Variants in ANKRD55 observed in about 807,000 individuals in gnomAD.
ANKRD55 encodes the protein ankyrin repeat domain-containing protein 55.
ANKRD55 carries 41 observed loss-of-function variants against 60.6 expected under a neutral mutation model. That is an observed-to-expected ratio of 0.68 (90% confidence interval 0.53 to 0.88). The LOEUF (loss-of-function observed/expected upper bound fraction) is 0.88, where lower values mean the gene tolerates loss of function less well. Among genes scored for constraint, ANKRD55 ranks in the 40% least tolerant of loss-of-function variants. ANKRD55 has a pLI of 0.00. For synonymous variants in ANKRD55, 264 were observed against 290.3 expected (o/e 0.91, Z 0.92); for missense variants, 732 against 767.6 (o/e 0.95, Z 0.55).
chr5:56,224,419 C>T (rs1238281395), intron 2 of ANKRD55, among the ~76,000 whole-genome samples: 2 of 151,956 alleles, frequency 1.3e-5, no homozygotes, highest in African/African-American at 4.8e-5. Context: ...AACATCACAA[C>T]TAAAAGAACT....
chr5:56,176,754 AC>A (rs748118369), intron 3 of ANKRD55, among the ~76,000 whole-genome samples: 8 of 152,200 alleles, frequency 5.3e-5, no homozygotes, highest in Non-Finnish European at 8.8e-5. Context: ...GGCCACCTGT[AC>A]TGAAATGCTT....
intron 6 of ANKRD55, among the ~76,000 whole-genome samples, chr5:56,150,570 C>T (rs925178582): frequency 2.0e-5 from 3 of 152,038 alleles, no homozygotes; most frequent in African/African-American, 7.2e-5. Flanking sequence ...CACCACTGCA[C>T]TCTGGCCTCA....
intron 6 of ANKRD55, among the ~76,000 whole-genome samples, chr5:56,146,233 T>C (rs931412864): frequency 2.6e-5 from 4 of 152,054 alleles, no homozygotes; most frequent in African/African-American, 7.2e-5. Context: ...AGGCACATTA[T>C]AGATGCTGAG....
At chr5:56,201,042 C>T (rs1198019364) in intron 2 of ANKRD55, among the ~76,000 whole-genome samples, 3 of 152,182 alleles carry the variant, frequency 2.0e-5, no homozygotes, top group Non-Finnish European at 2.9e-5. Flanking sequence ...AAAGACATGC[C>T]CTAGTGGGAA....
Position 56,176,193 on chromosome 5 carries a change from C to A in ANKRD55, c.271G>T (p.Asp91Tyr). ...LKMGANINMQ[D>Y]AYGRTSLCLA... is the part of the protein sequence containing the mutation. ...CATAAACTTGTGCGGCCATAAGCAT[C>A]CTGCATGTTAATATTGGCTCCCATC... Residue 91 changes from aspartate to tyrosine, a missense_variant, in exon 4 of 12, where the codon GAT (aspartate) becomes TAT (tyrosine). Around this residue, in one of 3 missense-constraint regions of ANKRD55, gnomAD observed 131 missense variants for 142.7 expected, o/e 0.92. Coordinates refer to ENST00000341048, the MANE Select transcript of ANKRD55 (RefSeq NM_024669.3). 1 of 1,614,224 alleles carries A rather than the reference C, an allele frequency of 6.2e-7. No homozygotes were observed. Among genetic ancestry groups the A allele is most frequent in the Non-Finnish European group, 8.5e-7 (1 of 1,180,052 alleles).
In ANKRD55 at chr5:56,222,840, A is replaced by T. The variant is rs577862965; in HGVS notation, c.58+10016T>A. On this transcript the variant is annotated intron_variant, in intron 2 of 11. Transcript: ENST00000341048. Reference sequence around the variant, plus strand: ...AAGAAATGAACAAAGCCTCCAAGAAATATGGGACTATGTGAAAAGACCAAA... The same window carrying T: ...AAGAAATGAACAAAGCCTCCAAGAATTATGGGACTATGTGAAAAGACCAAA... Among the ~76,000 whole-genome samples the T allele has an allele frequency of 9.3e-4, 141 of 152,358 alleles. 3 individuals are homozygous for T. The Middle Eastern group carries it at 0.027, about 29-fold the overall frequency.
chr5:56,115,777 C>A (rs1756866822), intron 9 of ANKRD55, among the ~76,000 whole-genome samples: 1 of 151,900 alleles, frequency 6.6e-6, no homozygotes. Flanking sequence ...TATTTATGTT[C>A]TCATGTAAAT....
intron 2 of ANKRD55, among the ~76,000 whole-genome samples, chr5:56,216,420 A>G (rs535145499): frequency 6.6e-5 from 10 of 152,348 alleles, no homozygotes; most frequent in African/African-American, 2.4e-4. Flanking sequence ...ATTCAAGTGA[A>G]AGGAAGAGTC....
chr5:56,193,285 C>A (rs1759145498), intron 2 of ANKRD55: 1 of 1,083,886 alleles, frequency 9.2e-7, no homozygotes, highest in Non-Finnish European at 1.3e-6. Context: ...TGGGGAGATG[C>A]ATGGAAATTA....
At chr5:56,226,865 C>T (rs1207843670) in intron 2 of ANKRD55, among the ~76,000 whole-genome samples, 1 of 152,084 alleles carries the variant, frequency 6.6e-6, no homozygotes, top group Non-Finnish European at 1.5e-5. Flanking sequence ...TGTGGAGAAA[C>T]AGGAACACTT....
At position 56,192,996 on chromosome 5, in the gene ANKRD55, CT is replaced by C. The variant is rs138568195; in HGVS notation, c.59-9363del. ...GAGCTATACTGGAAAACAATTAAAC[CT>C]TTTCAGTATGTTCATGAACATCATT... is the stretch of plus-strand genomic sequence containing the variant. On this transcript the variant is annotated intron_variant, in intron 2 of 11. Coordinates refer to ENST00000341048, the MANE Select transcript of ANKRD55 (RefSeq NM_024669.3). 1,453 of 944,320 alleles carry C rather than the reference CT, an allele frequency of 1.5e-3. 17 individuals are homozygous for C. In the African/African-American group the frequency reaches 0.021, roughly 14 times the overall value. 58.5% of individuals were successfully genotyped at this position (944,320 alleles called of 1,614,324 possible).
intron 5 of ANKRD55, among the ~76,000 whole-genome samples, chr5:56,164,084 ACT>A (rs531290998): frequency 5.7e-4 from 87 of 152,204 alleles, no homozygotes; most frequent in African/African-American, 2.1e-3. Flanking sequence ...AGAGCTTGAG[ACT>A]CTGTCTCAAA....
In ANKRD55 at chr5:56,166,142, C is replaced by CTTTCTTTCTTTCTTTT. The variant is rs1758462110; in HGVS notation, c.422+4551_422+4552insAAAAGAAAGAAAGAAA. On this transcript the variant is annotated intron_variant, in intron 5 of 11. Coordinates refer to ENST00000341048, the MANE Select transcript of ANKRD55 (RefSeq NM_024669.3). ...TCTTTCTTTCTTTCTTTCTTTCTTT[C>CTTTCTTTCTTTCTTTT]TTTCTTTCTTTCTTCTTTCCTTCCT... 4.3e-5 allele frequency among the ~76,000 whole-genome samples: 4 copies of CTTTCTTTCTTTCTTTT among 93,674 alleles called. No individual in the cohort carries two copies. In the East Asian group the frequency reaches 1.4e-3, roughly 33 times the overall value. 61.5% of individuals were successfully genotyped at this position (93,674 alleles called of 152,430 possible).
At chr5:56,224,577 T>C (rs958164905) in intron 2 of ANKRD55, among the ~76,000 whole-genome samples, 1 of 151,830 alleles carries the variant, frequency 6.6e-6, no homozygotes, top group East Asian at 1.9e-4. Flanking sequence ...TCAACAAAAT[T>C]GATAGACCAC....
chr5:56,172,719 G>T (rs567978957), intron 4 of ANKRD55, among the ~76,000 whole-genome samples: 1 of 139,664 alleles, frequency 7.2e-6, no homozygotes, highest in Admixed American at 6.8e-5. Context: ...ATTGTCAGCT[G>T]TGATGGGCAT....
At chr5:56,191,396 T>C (rs971918246) in intron 2 of ANKRD55, among the ~76,000 whole-genome samples, 2 of 152,228 alleles carry the variant, frequency 1.3e-5, no homozygotes, top group Admixed American at 6.5e-5. Context: ...CAATGCTTTG[T>C]AGTTTTCAGT....
At chr5:56,204,367 A>T (rs1006090256) in intron 2 of ANKRD55, among the ~76,000 whole-genome samples, 1 of 152,076 alleles carries the variant, frequency 6.6e-6, no homozygotes, top group Non-Finnish European at 1.5e-5. Context: ...TTGTTGCCAT[A>T]GCTTTTGGTG....
intron 2 of ANKRD55, among the ~76,000 whole-genome samples, chr5:56,195,992 G>A (rs1412198770): frequency 6.6e-6 from 1 of 152,132 alleles, no homozygotes; most frequent in African/African-American, 2.4e-5. Context: ...TACTTGACTA[G>A]AAGTATAAAT....
intron 2 of ANKRD55, among the ~76,000 whole-genome samples, chr5:56,214,515 A>G (rs1435637586): frequency 6.6e-6 from 1 of 152,196 alleles, no homozygotes; most frequent in Non-Finnish European, 1.5e-5. Context: ...TTGTAGTATA[A>G]TCATCTTAAC....
Sources: allele counts gnomAD v4.1 joint callset (sites outside exome capture counted in the v4.1 genomes callset), GRCh38; gene constraint gnomAD v4.1.1; regional missense constraint gnomAD v4.1.1; transcripts MANE v1.5; gene names NCBI Gene and HGNC (gene_info 2026-07-23, HGNC 2026-07-21).